The following PBX3 variants were observed in gnomAD, a reference collection of about 807,000 sequenced individuals.
The protein encoded by PBX3 is PBX homeobox 3, also known as pre-B-cell leukemia transcription factor 3.
In PBX3, 14 loss-of-function variants were observed where a neutral mutation model predicts 48.5. The observed-to-expected ratio is 0.29, with a 90% CI of 0.19 to 0.45. The LOEUF (loss-of-function observed/expected upper bound fraction) is 0.45, where lower values mean the gene tolerates loss of function less well. Among genes scored for constraint, PBX3 ranks in the 20% least tolerant of loss-of-function variants. The probability of loss-of-function intolerance (pLI) is 1.00; values close to 1 mark genes in which losing one functional copy is unlikely to be tolerated. For synonymous variants in PBX3, 210 were observed against 200.3 expected, an observed-to-expected ratio of 1.05 and a Z score of -0.41; for missense variants, 386 against 546.7, an observed-to-expected ratio of 0.71 and a Z score of 2.93.
At chr9:125,932,710 G>C (rs576269637) in intron 4 of PBX3, among the ~76,000 whole-genome samples, 1 of 152,146 alleles carries the variant, frequency 6.6e-6, no homozygotes, top group African/African-American at 2.4e-5. Flanking sequence ...TAACATAATT[G>C]CTATCCTTAT....
rs114208419 is a variant in PBX3, at chr9:125,960,830, G to A, written c.990G>A (p.Ser330=). 228 of 1,613,844 alleles carry A rather than the reference G, an allele frequency of 1.4e-4. 1 individual carries two copies. In the East Asian group the frequency reaches 2.1e-3, roughly 15 times the overall value. The change falls in exon 6 of 9, where the codon TCG becomes TCA. Residue 330 remains serine, a synonymous_variant. Transcript: ENST00000373489. ...AAAVQNNQTN[S]PTTPNSGSSG... ...CTGTGCAGAACAACCAGACCAATTC[G>A]CCCACCACACCAAATTCCGGTGCGT...
intron 2 of PBX3, among the ~76,000 whole-genome samples, chr9:125,773,355 C>T (rs1836990135): frequency 6.6e-6 from 1 of 152,200 alleles, no homozygotes; most frequent in Admixed American, 6.5e-5. Context: ...GATGTCCTTT[C>T]AGAAAGCCTT....
At chr9:125,821,501 A>G (rs1838652598) in intron 2 of PBX3, among the ~76,000 whole-genome samples, 1 of 152,092 alleles carries the variant, frequency 6.6e-6, no homozygotes, top group South Asian at 2.1e-4. Flanking sequence ...GATCATATTA[A>G]TTGTGTTATT....
At position 125,759,582 on chromosome 9, in the gene PBX3, A is replaced by C. The variant is rs1226945326; in HGVS notation, c.274+10959A>C. On this transcript the variant is annotated intron_variant, in intron 2 of 8. Transcript: ENST00000373489. The surrounding 1 kb of genome is among the most constrained non-coding windows in gnomAD (Gnocchi z 4.2). ...TTGTTGATTTGGGGATTTTCTATGA[A>C]TATAGCTTCACAAAACAGATGCTGT... Among the ~76,000 whole-genome samples, 1 of 152,240 alleles carries C rather than the reference A, an allele frequency of 6.6e-6. No individual in the cohort carries two copies. The highest frequency in any genetic ancestry group is 1.5e-5 in the Non-Finnish European group (1 of 68,028).
chr9:125,886,547 TA>T (rs984639844), intron 2 of PBX3, among the ~76,000 whole-genome samples: 4 of 152,152 alleles, frequency 2.6e-5, no homozygotes, highest in Non-Finnish European at 5.9e-5. Context: ...ATTCAACGGG[TA>T]AATTACAGTC....
chr9:125,782,116 G>A (rs1334609711), intron 2 of PBX3, among the ~76,000 whole-genome samples: 1 of 152,182 alleles, frequency 6.6e-6, no homozygotes, highest in Non-Finnish European at 1.5e-5. Context: ...ATACCCAAGA[G>A]TGAGCAATTT....
chr9:125,872,176 T>C (rs745860707), intron 2 of PBX3, among the ~76,000 whole-genome samples: 19 of 151,862 alleles, frequency 1.3e-4, no homozygotes, highest in Non-Finnish European at 1.2e-4. Flanking sequence ...AGGAGAAGAA[T>C]AGAAGAAACA....
At chr9:125,817,661 T>C (rs1174430470) in intron 2 of PBX3, among the ~76,000 whole-genome samples, 1 of 152,252 alleles carries the variant, frequency 6.6e-6, no homozygotes, top group Non-Finnish European at 1.5e-5. Flanking sequence ...AGAATGTAAT[T>C]TAATGAAATA....
chr9:125,782,684 T>C (rs934006336), intron 2 of PBX3, among the ~76,000 whole-genome samples: 1 of 152,240 alleles, frequency 6.6e-6, no homozygotes, highest in African/African-American at 2.4e-5. Context: ...TACTGTTTAG[T>C]GTCCTTTTAT....
chr9:125,929,862 A>C lies in PBX3; in HGVS notation c.707+17A>C. The C allele has an allele frequency of 2.5e-6, 4 of 1,576,506 alleles. No homozygotes were observed. The highest frequency in any genetic ancestry group is 3.5e-6 in the Non-Finnish European group (4 of 1,146,788). On this transcript the variant is annotated intron_variant, in intron 4 of 8. Transcript: ENST00000373489. ...TGATGCCAGGTATGTGAAGCCATAAATCTATTGCATGGCTTTCCCCCGTCT... is the reference window on the plus strand; with the variant it reads ...TGATGCCAGGTATGTGAAGCCATAACTCTATTGCATGGCTTTCCCCCGTCT...
chr9:125,834,425 G>A (rs1339719531), intron 2 of PBX3, among the ~76,000 whole-genome samples: 2 of 151,496 alleles, frequency 1.3e-5, no homozygotes, highest in African/African-American at 2.4e-5. Context: ...TTTTGAGACC[G>A]AGTCTCACTC....
Position 125,960,036 on chromosome 9 carries a change from T to G in PBX3, c.844-648T>G, listed in dbSNP as rs183539386. On this transcript the variant is annotated intron_variant, in intron 5 of 8. Coordinates refer to ENST00000373489, the MANE Select transcript of PBX3 (RefSeq NM_006195.6). ...ATAAGAAGTTTGCAAAAGAAAGAAA[T>G]ATATTCCACCTGATGACATTAGAGT... 7.2e-5 allele frequency among the ~76,000 whole-genome samples: 11 copies of G among 152,354 alleles called. No individual in the cohort carries two copies. The East Asian group carries it at 2.1e-3, about 29-fold the overall frequency.
At chr9:125,799,593 C>T (rs2132089139) in intron 2 of PBX3, among the ~76,000 whole-genome samples, 1 of 152,258 alleles carries the variant, frequency 6.6e-6, no homozygotes, top group Non-Finnish European at 1.5e-5. Flanking sequence ...TAAAATATTG[C>T]ATTATAGTAC....
chr9:125,953,938 C>CCTGAGTCCAAAGA (rs1445423620), intron 5 of PBX3, among the ~76,000 whole-genome samples: 6 of 152,254 alleles, frequency 3.9e-5, no homozygotes, highest in Non-Finnish European at 7.4e-5. Flanking sequence ...CAGGTATGCA[C>CCTGAGTCCAAAGA]GGTTTCATGG....
intron 5 of PBX3, among the ~76,000 whole-genome samples, chr9:125,946,536 TA>T (rs1260445608): frequency 6.6e-6 from 1 of 151,504 alleles, no homozygotes; most frequent in African/African-American, 2.4e-5. Context: ...TTGGAAACCA[TA>T]AAAAAAGGGT....
chr9:125,901,570 T>C (rs146060508), intron 2 of PBX3, among the ~76,000 whole-genome samples: 2,095 of 151,822 alleles, frequency 0.014, 22 homozygotes, highest in Middle Eastern at 0.027. Flanking sequence ...TAAAGGTTTG[T>C]TGACTGAGAG....
chr9:125,935,674 C>T (rs1332149502), intron 5 of PBX3, 67 bp downstream of exon 5: 8 of 1,365,762 alleles, frequency 5.9e-6, no homozygotes, highest in Non-Finnish European at 8.0e-6. Flanking sequence ...TTCCTCAGGG[C>T]ATTATTATCA....
intron 2 of PBX3, chr9:125,797,373 T>C (rs1837815852): frequency 2.0e-5 from 3 of 152,264 alleles, no homozygotes; most frequent in Middle Eastern, 3.4e-3. Context: ...TTTTCACTCA[T>C]TGAACTTACT....
chr9:125,870,537 T>C (rs1368455753), intron 2 of PBX3, among the ~76,000 whole-genome samples: 1 of 152,186 alleles, frequency 6.6e-6, no homozygotes, highest in Non-Finnish European at 1.5e-5. Context: ...TTTACTATCA[T>C]GAGAGCAGCT....
Sources: allele counts gnomAD v4.1 joint callset (sites outside exome capture counted in the v4.1 genomes callset), GRCh38; gene constraint gnomAD v4.1.1; non-coding constraint Gnocchi (gnomAD v3.1); transcripts MANE v1.5; gene names NCBI Gene and HGNC (gene_info 2026-07-23, HGNC 2026-07-21).